Variants in ERC2 observed in about 807,000 individuals in gnomAD.
The protein encoded by ERC2 is ERC protein 2.
Under a neutral mutation model 114.8 loss-of-function variants are expected in ERC2, and 42 were observed. The observed-to-expected ratio is 0.37, with a 90% confidence interval of 0.29 to 0.47. The LOEUF (loss-of-function observed/expected upper bound fraction) is 0.47, where lower values mean the gene tolerates loss of function less well. ERC2 is among the 20% of genes least tolerant of loss of function. The probability of loss-of-function intolerance (pLI) is 0.99; values close to 1 mark genes in which losing one functional copy is unlikely to be tolerated. For synonymous variants in ERC2, 454 were observed against 425.5 expected, an observed-to-expected ratio of 1.07 and a Z score of -0.82; for missense variants, 939 against 1,150.7, an observed-to-expected ratio of 0.82 and a Z score of 2.66.
At chr3:56,418,332 G>T (rs1213362753) in intron 2 of ERC2, among the ~76,000 whole-genome samples, 2 of 150,518 alleles carry the variant, frequency 1.3e-5, no homozygotes, top group Non-Finnish European at 3.0e-5. Flanking sequence ...GAAAGGGGAT[G>T]ACTTCCTTTT....
intron 17 of ERC2, chr3:55,606,806 A>G: frequency 6.6e-6 from 1 of 152,286 alleles, no homozygotes; most frequent in Non-Finnish European, 1.5e-5. Context: ...CTGCCACCGG[A>G]TCCTCCCCGC....
chr3:55,964,661 C>T (rs563903422), intron 12 of ERC2, among the ~76,000 whole-genome samples: 6 of 152,348 alleles, frequency 3.9e-5, no homozygotes, highest in African/African-American at 1.4e-4. Context: ...TATCTCACAG[C>T]TTCTGTGGGT....
intron 11 of ERC2, among the ~76,000 whole-genome samples, chr3:55,988,997 A>G (rs1159641333): frequency 1.3e-5 from 2 of 152,122 alleles, no homozygotes; most frequent in East Asian, 1.9e-4. Flanking sequence ...TTTTTTTCCC[A>G]AGAAACTTCC....
chr3:56,175,107 CTTA>C (rs1276161227), intron 3 of ERC2, among the ~76,000 whole-genome samples: 7 of 152,116 alleles, frequency 4.6e-5, no homozygotes, highest in Admixed American at 6.6e-5. Context: ...TTATGCTGTT[CTTA>C]TTATATTTGC....
chr3:56,440,933 A>G (rs971942962), intron 1 of ERC2, among the ~76,000 whole-genome samples: 1 of 152,146 alleles, frequency 6.6e-6, no homozygotes, highest in Non-Finnish European at 1.5e-5. Context: ...TCTCCTTCCT[A>G]TACAGAATTG....
intron 7 of ERC2, among the ~76,000 whole-genome samples, chr3:56,021,232 T>C (rs192078228): frequency 2.0e-5 from 3 of 152,178 alleles, no homozygotes; most frequent in Non-Finnish European, 4.4e-5. Flanking sequence ...TAAATATATC[T>C]GGAAACAAAT....
intron 3 of ERC2, among the ~76,000 whole-genome samples, chr3:56,226,715 A>G (rs947464880): frequency 6.6e-6 from 1 of 152,158 alleles, no homozygotes; most frequent in Non-Finnish European, 1.5e-5. Context: ...CCAGGGAGAA[A>G]GAGCATATAA....
chr3:55,743,219 T>TA (rs1448643407), intron 14 of ERC2, among the ~76,000 whole-genome samples: 1 of 152,212 alleles, frequency 6.6e-6, no homozygotes, highest in Non-Finnish European at 1.5e-5. Flanking sequence ...TCTACCCTGT[T>TA]CCTTGCTCAG....
rs529630257 is a variant in ERC2 at position 55,726,223 on chromosome 3, T to G, written c.2712+8548A>C. Among the ~76,000 whole-genome samples the G allele has an allele frequency of 5.3e-5, 8 of 152,336 alleles. No homozygotes were observed. In the South Asian group the frequency reaches 1.5e-3, roughly 28 times the overall value. On this transcript the variant is annotated intron_variant, in intron 15 of 17. Coordinates refer to ENST00000288221, the MANE Select transcript of ERC2 (RefSeq NM_015576.3). Reference sequence around the variant, plus strand: ...TTAGCAATTTGATCTGGACCAAGTCTGTGATGCATTACAATGCTGGGATCA... The same window carrying G: ...TTAGCAATTTGATCTGGACCAAGTCGGTGATGCATTACAATGCTGGGATCA...
chr3:55,708,643 G>A (rs1264331675), intron 15 of ERC2, among the ~76,000 whole-genome samples: 1 of 152,148 alleles, frequency 6.6e-6, no homozygotes. Flanking sequence ...TTCTACTACA[G>A]TGTGGAAACA....
intron 6 of ERC2, among the ~76,000 whole-genome samples, chr3:56,129,839 A>T (rs2080100938): frequency 1.3e-5 from 2 of 152,222 alleles, no homozygotes; most frequent in East Asian, 1.9e-4. Context: ...GACACAGATT[A>T]TGAACAGATT....
At chr3:55,582,057 T>C (rs1398236372) in intron 17 of ERC2, among the ~76,000 whole-genome samples, 1 of 152,204 alleles carries the variant, frequency 6.6e-6, no homozygotes, top group African/African-American at 2.4e-5. Context: ...CTGTTCCCCC[T>C]GTCTGGAACA....
At chr3:55,524,293 T>C (rs535872167) in intron 17 of ERC2, among the ~76,000 whole-genome samples, 5 of 152,250 alleles carry the variant, frequency 3.3e-5, no homozygotes, top group African/African-American at 1.2e-4. Flanking sequence ...GTCATCTTCA[T>C]GAAAAGATGT....
At chr3:55,601,824 C>G (rs1055906879) in intron 17 of ERC2, among the ~76,000 whole-genome samples, 24 of 152,196 alleles carry the variant, frequency 1.6e-4, no homozygotes, top group African/African-American at 5.5e-4. Flanking sequence ...GAGTCAGATC[C>G]TATCTCAAAC....
chr3:55,558,563 C>A (rs2055781316), intron 17 of ERC2, among the ~76,000 whole-genome samples: 1 of 152,208 alleles, frequency 6.6e-6, no homozygotes, highest in African/African-American at 2.4e-5. Flanking sequence ...GGCCAGCCAA[C>A]CAGATGCAAT....
chr3:55,790,350 C>T (rs55735216), intron 14 of ERC2, among the ~76,000 whole-genome samples: 1,547 of 152,270 alleles, frequency 0.01, 10 homozygotes, highest in Non-Finnish European at 0.016. Context: ...CCCCTCTATT[C>T]TCCTGTAGCC....
intron 14 of ERC2, among the ~76,000 whole-genome samples, chr3:55,820,388 C>A (rs192801014): frequency 6.6e-6 from 1 of 152,286 alleles, no homozygotes; most frequent in Admixed American, 6.5e-5. Context: ...AGCAAAGCAA[C>A]TCAGTGAAAA....
intron 14 of ERC2, among the ~76,000 whole-genome samples, chr3:55,739,492 G>A (rs1437743425): frequency 6.6e-6 from 1 of 152,154 alleles, no homozygotes; most frequent in Non-Finnish European, 1.5e-5. Context: ...GTTTTGATTT[G>A]CATTTCTCTG....
At chr3:56,454,033 C>G (rs1360905290) in intron 1 of ERC2, among the ~76,000 whole-genome samples, 2 of 152,136 alleles carry the variant, frequency 1.3e-5, no homozygotes, top group Non-Finnish European at 2.9e-5. Context: ...TATCGTGATT[C>G]CATCTTATAA....
Sources: allele counts gnomAD v4.1 joint callset (sites outside exome capture counted in the v4.1 genomes callset), GRCh38; gene constraint gnomAD v4.1.1; transcripts MANE v1.5; gene names NCBI Gene and HGNC (gene_info 2026-07-23, HGNC 2026-07-21).